PSMD2: variants seen among roughly 807,000 people sequenced by gnomAD.
PSMD2 encodes the protein 26S proteasome non-ATPase regulatory subunit 2.
Under a neutral mutation model 101.5 loss-of-function variants are expected in PSMD2, and 8 were observed. The ratio of observed to expected loss-of-function variants is 0.08; its 90% confidence interval spans 0.05 to 0.14. The LOEUF (loss-of-function observed/expected upper bound fraction) is 0.14, where lower values mean the gene tolerates loss of function less well. Ranked by LOEUF, PSMD2 falls within the 10% of genes least tolerant of loss-of-function variation. PSMD2 has a pLI of 1.00. For synonymous variants in PSMD2, 418 were observed against 433.8 expected (o/e 0.96, Z 0.45); for missense variants, 784 against 1,147.4 (o/e 0.68, Z 4.58).
Position 184,299,260 on chromosome 3 carries a change from G to A in PSMD2, c.-7G>A, listed in dbSNP as rs1344474062. ...GCGCGCGCAGCGGGCCGGCAGTGGC[G>A]GCGGAGATGGAGGAGGGAGGCCGGG... is the stretch of plus-strand genomic sequence containing the variant. On this transcript the variant is annotated 5_prime_UTR_variant, in exon 1 of 21. Transcript: ENST00000310118. The A allele has an allele frequency of 6.0e-6, 8 of 1,337,032 alleles. No individual in the cohort carries two copies. The South Asian group carries it at 1.3e-4, about 21-fold the overall frequency. 82.8% of individuals were successfully genotyped at this position (1,337,032 alleles called of 1,614,324 possible).
intron 16 of PSMD2, among the ~76,000 whole-genome samples, chr3:184,307,099 C>T (rs1026705576): frequency 2.5e-4 from 38 of 152,164 alleles, no homozygotes; most frequent in African/African-American, 8.4e-4. Flanking sequence ...CACATGCCAC[C>T]ATGCCCAGCT....
chr3:184,308,105 C>T lies in PSMD2; in HGVS notation c.2425+89C>T. On this transcript the variant is annotated intron_variant, in intron 19 of 20. Transcript: ENST00000310118. The surrounding 1 kb of genome is among the most constrained non-coding windows in gnomAD (Gnocchi z 6.0). Reference sequence around the variant, plus strand: ...CCACTTTGATAATTTAGGTTCAAGACCCCAGTTTAGCTCTGTATCGCTCTA... The same window carrying T: ...CCACTTTGATAATTTAGGTTCAAGATCCCAGTTTAGCTCTGTATCGCTCTA... The T allele has an allele frequency of 6.5e-7, 1 of 1,529,344 alleles. No homozygotes were observed. Among genetic ancestry groups the T allele is most frequent in the Non-Finnish European group, 8.9e-7 (1 of 1,128,508 alleles). The allele number at this position is 1,529,344 out of a possible 1,614,324, so 94.7% of individuals were successfully genotyped here. A position where few individuals can be genotyped will look rare whatever the true frequency, so the allele number is the denominator to read the frequency against.
chr3:184,307,837 C>T (rs561106037), intron 18 of PSMD2, 53 bp from the exon 19 acceptor site: 19 of 1,611,942 alleles, frequency 1.2e-5, no homozygotes, highest in African/African-American at 8.0e-5. Flanking sequence ...CTGGGTTAGG[C>T]GATGTCTCCT....
At chr3:184,307,107 G>A (rs1721857412) in intron 16 of PSMD2, among the ~76,000 whole-genome samples, 1 of 152,088 alleles carries the variant, frequency 6.6e-6, no homozygotes, top group African/African-American at 2.4e-5. Flanking sequence ...ACCATGCCCA[G>A]CTAATTTTTG....
chr3:184,303,196 G>A lies in PSMD2; in HGVS notation c.1070-124G>A, dbSNP rs577336962. On this transcript the variant is annotated intron_variant, in intron 8 of 20. Transcript: ENST00000310118. ...TGAATCTTTTTCAGGTCACTGCTTGGGGGGGTATAGGTAGAGGATACTAAG... is the reference window on the plus strand; with the variant it reads ...TGAATCTTTTTCAGGTCACTGCTTGAGGGGGTATAGGTAGAGGATACTAAG... The A allele has an allele frequency of 9.4e-6, 14 of 1,492,680 alleles. No individual in the cohort carries two copies. In the African/African-American group the frequency reaches 1.1e-4, roughly 12 times the overall value. The allele number at this position is 1,492,680 out of a possible 1,614,324, so 92.5% of individuals were successfully genotyped here.
In PSMD2 at chr3:184,301,843, G is replaced by A. The variant is rs755695267; in HGVS notation, c.480-4G>A. On this transcript the variant is annotated splice_region_variant and splice_polypyrimidine_tract_variant and intron_variant, in intron 4 of 20. Coordinates refer to ENST00000310118, the MANE Select transcript of PSMD2 (RefSeq NM_002808.5). The stretch of plus-strand genomic sequence containing the variant: ...CTCTCTTAATCGTCTGGGACTATCT[G>A]TAGGCATCTGGCAGGAGAAGTGGCT... 1.5e-5 allele frequency: 24 copies of A among 1,614,218 alleles called. 1 individual carries two copies. In the South Asian group the frequency reaches 2.3e-4, roughly 16 times the overall value.
Position 184,299,299 on chromosome 3 carries a change from G to A in PSMD2, c.33G>A (p.Val11=). The change falls in exon 1 of 21, where the codon GTG becomes GTA. Residue 11 remains valine (V), a synonymous_variant. Coordinates refer to ENST00000310118, the MANE Select transcript of PSMD2 (RefSeq NM_002808.5). ...AGGGAGGCCGGGACAAGGCGCCGGT[G>A]CAGCCCCAGCAGTCTCCAGCGGCGG... MEEGGRDKAP[V]QPQQSPAAAP... The A allele has an allele frequency of 1.4e-6, 2 of 1,383,888 alleles. No individual in the cohort carries two copies. Among genetic ancestry groups the A allele is most frequent in the Non-Finnish European group, 9.3e-7 (1 of 1,071,942 alleles). The allele number at this position is 1,383,888 out of a possible 1,614,324, so 85.7% of individuals were successfully genotyped here.
chr3:184,306,175 T>G lies in PSMD2; in HGVS notation c.1804+20T>G. 6.2e-7 allele frequency: 1 copy of G among 1,612,958 alleles called. No homozygotes were observed. Among genetic ancestry groups the G allele is most frequent in the Non-Finnish European group, 8.5e-7 (1 of 1,178,894 alleles). The stretch of plus-strand genomic sequence containing the variant: ...ATGCAGGTCTGTGTCTTTATGAGTC[T>G]GTCTTGTGCTTCCCCAGTGACTCCT... On this transcript the variant is annotated intron_variant, in intron 14 of 20. Transcript: ENST00000310118.
At chr3:184,307,813 A>C in intron 18 of PSMD2, 77 bp from the exon 19 acceptor site, 1 of 1,607,436 alleles carries the variant, frequency 6.2e-7, no homozygotes, top group Non-Finnish European at 8.5e-7. Flanking sequence ...ACCAAGTGGG[A>C]GATTTCTGTT....
At chr3:184,301,689 GGGCTCTGA>G (rs1190933854) in intron 4 of PSMD2, 31 bp downstream of exon 4, 5 of 1,613,058 alleles carry the variant, frequency 3.1e-6, no homozygotes, top group Admixed American at 1.7e-5. Context: ...AATCCGAAGG[GGGCTCTGA>G]GGCTCTGAGA....
chr3:184,302,086 T>C lies in PSMD2; in HGVS notation c.704+15T>C. The C allele has an allele frequency of 1.2e-6, 2 of 1,611,714 alleles. No homozygotes were observed. Among genetic ancestry groups the C allele is most frequent in the Admixed American group, 1.7e-5 (1 of 60,010 alleles). On this transcript the variant is annotated intron_variant, in intron 5 of 20. Transcript: ENST00000310118. ...TATCTCACCAGGTGAGTGAACATGG[T>C]AGGGAAGGGTGGCAGGCATGCCCTC...
intron 2 of PSMD2, 78 bp downstream of exon 2, chr3:184,299,985 T>C (rs1721590265): frequency 3.9e-6 from 5 of 1,286,386 alleles, no homozygotes; most frequent in Middle Eastern, 1.8e-4. Flanking sequence ...AGGCAACTGC[T>C]ATGTACGGTG....
At chr3:184,299,548 C>A in intron 1 of PSMD2, 147 bp downstream of exon 1, 1 of 1,107,990 alleles carries the variant, frequency 9.0e-7, no homozygotes, top group Non-Finnish European at 1.2e-6. Flanking sequence ...CACCTTGCCT[C>A]TCTGCTCCTC....
Position 184,299,373 on chromosome 3 carries a change from C to A in PSMD2, c.107C>A (p.Ala36Asp). ...CCGAGCGGCAAGGAGCGGCGGGATG[C>A]CGGGGACAAGGACAAAGAACAGGAG... ...EKPSGKERRDAGDKDKEQELS... is the reference protein window; with the variant it reads ...EKPSGKERRDDGDKDKEQELS... The change falls in exon 1 of 21, where the codon GCC becomes GAC. Residue 36 changes from alanine (A) to aspartate (D), a missense_variant. Ala to Asp is a moderately radical substitution (Grantham distance 126). Transcript: ENST00000310118. The A allele has an allele frequency of 7.1e-7, 1 of 1,401,220 alleles. No homozygotes were observed. Among genetic ancestry groups the A allele is most frequent in the Non-Finnish European group, 9.3e-7 (1 of 1,080,710 alleles). 86.8% of individuals were successfully genotyped at this position (1,401,220 alleles called of 1,614,324 possible).
chr3:184,302,006 G>A lies in PSMD2; in HGVS notation c.639G>A (p.Gln213=). The change falls in exon 5 of 21, where the codon CAG becomes CAA. Residue 213 remains glutamine, a synonymous_variant. Transcript: ENST00000310118. The part of the protein sequence containing the change: ...EACDLLMEIE[Q]VDMLEKDIDE... ...GCGACCTGCTTATGGAAATTGAGCA[G>A]GTGGACATGCTGGAGAAGGACATTG... 6.2e-7 allele frequency: 1 copy of A among 1,614,232 alleles called. No homozygotes were observed. The highest frequency in any genetic ancestry group is 8.5e-7 in the Non-Finnish European group (1 of 1,180,044).
rs568496841 is a variant in PSMD2 at position 184,304,592 on chromosome 3, G to A, written c.1539+201G>A. On this transcript the variant is annotated intron_variant, in intron 12 of 20. Transcript: ENST00000310118. The surrounding 1 kb of genome is among the most constrained non-coding windows in gnomAD (Gnocchi z 4.1). Reference sequence around the variant, plus strand: ...CCTCTGGTGGTTTTAAGGCTAAAGAGTTAACATTTTAGGCCTGGCACGGTG... The same window carrying A: ...CCTCTGGTGGTTTTAAGGCTAAAGAATTAACATTTTAGGCCTGGCACGGTG... Among the ~76,000 whole-genome samples the A allele has an allele frequency of 2.0e-4, 31 of 152,306 alleles. No homozygotes were observed. Among genetic ancestry groups the A allele is most frequent in the African/African-American group, 6.7e-4 (28 of 41,572 alleles).
Position 184,307,536 on chromosome 3 carries a change from G to A in PSMD2, c.2203+11G>A, listed in dbSNP as rs762789966. ...GCATGGTGGGCAGTGGTGAGTATCCGGCAGAAGAAGGTCATAAACAGATTG... is the reference window on the plus strand; with the variant it reads ...GCATGGTGGGCAGTGGTGAGTATCCAGCAGAAGAAGGTCATAAACAGATTG... On this transcript the variant is annotated intron_variant, in intron 17 of 20. Transcript: ENST00000310118. The A allele has an allele frequency of 2.5e-5, 40 of 1,613,980 alleles. No homozygotes were observed. Among genetic ancestry groups the A allele is most frequent in the Non-Finnish European group, 2.8e-5 (33 of 1,180,022 alleles).
chr3:184,308,806 A>G lies in PSMD2; in HGVS notation c.2643A>G (p.Glu881=), dbSNP rs1721934320. The change falls in exon 21 of 21, where the codon GAA becomes GAG. Residue 881 remains glutamate (E), a synonymous_variant. Coordinates refer to ENST00000310118, the MANE Select transcript of PSMD2 (RefSeq NM_002808.5). The surrounding 1 kb of genome is among the most constrained non-coding windows in gnomAD (Gnocchi z 6.0). ...TGTTGGCCCACGGGGAACGGGCAGA[A>G]TTGGCCACTGAGGAGTTTCTTCCTG... ...PVLLAHGERA[E]LATEEFLPVT... is the part of the protein sequence containing the mutation. 1.2e-6 allele frequency: 2 copies of G among 1,613,766 alleles called. No homozygotes were observed. Among genetic ancestry groups the G allele is most frequent in the Non-Finnish European group, 1.7e-6 (2 of 1,179,998 alleles).
Position 184,300,370 on chromosome 3 carries a change from C to G in PSMD2, c.283C>G (p.Pro95Ala). Reference sequence around the variant, plus strand: ...AACTTCCATGACTTCAGTGCCCAAGCCTCTCAAATTTCTGCGTCCACACTA... The same window carrying G: ...AACTTCCATGACTTCAGTGCCCAAGGCTCTCAAATTTCTGCGTCCACACTA... ...STTSMTSVPKPLKFLRPHYGK... is the reference protein window; with the variant it reads ...STTSMTSVPKALKFLRPHYGK... The change falls in exon 3 of 21, where the codon CCT (proline) becomes GCT (alanine). Residue 95 changes from proline (P) to alanine (A), a missense_variant. By Grantham distance (27) the Pro-to-Ala change is conservative. This residue lies in a region of PSMD2 where 196 missense variants were observed against 182.4 expected (regional missense o/e 1.07). Transcript: ENST00000310118. 1 of 1,613,116 alleles carries G rather than the reference C, an allele frequency of 6.2e-7. No homozygotes were observed. The highest frequency in any genetic ancestry group is 8.5e-7 in the Non-Finnish European group (1 of 1,179,108).
Sources: allele counts gnomAD v4.1 joint callset (sites outside exome capture counted in the v4.1 genomes callset), GRCh38; gene constraint gnomAD v4.1.1; regional missense constraint gnomAD v4.1.1; non-coding constraint Gnocchi (gnomAD v3.1); transcripts MANE v1.5; gene names NCBI Gene and HGNC (gene_info 2026-07-23, HGNC 2026-07-21).